CSRNP3: variants seen among roughly 807,000 people sequenced by gnomAD.
CSRNP3 encodes cysteine and serine rich nuclear protein 3.
In CSRNP3, 12 loss-of-function variants were observed where a neutral mutation model predicts 48.0. The observed-to-expected ratio is 0.25, with a 90% CI of 0.16 to 0.41. CSRNP3 has a LOEUF of 0.41. CSRNP3 is among the 10% of genes least tolerant of loss of function. The pLI is 1.00. For missense variants in CSRNP3, 580 were observed against 724.4 expected (o/e 0.80, Z 2.29); for synonymous variants, 263 against 269.7 (o/e 0.98, Z 0.24).
In CSRNP3 at chr2:165,682,887, T is replaced by C. The variant is rs889311865; in HGVS notation, c.*3134T>C. Reference sequence around the variant, plus strand: ...ACCTGCAGCTGTTGTATTGCCTCCATAGTATATCTAGCCAAACTGTAGTCT... The same window carrying C: ...ACCTGCAGCTGTTGTATTGCCTCCACAGTATATCTAGCCAAACTGTAGTCT... On this transcript the variant is annotated 3_prime_UTR_variant, in exon 7 of 7. Coordinates refer to ENST00000651982, the MANE Select transcript of CSRNP3 (RefSeq NM_001172173.2). 19 of 152,164 alleles carry C rather than the reference T, an allele frequency of 1.2e-4. No homozygotes were observed. The highest frequency in any genetic ancestry group is 4.3e-4 in the African/African-American group (18 of 41,446). 9.4% of individuals were successfully genotyped at this position (152,164 alleles called of 1,614,324 possible). A position where few individuals can be genotyped will look rare whatever the true frequency, so the allele number is the denominator to read the frequency against.
chr2:165,650,079 T>G (rs1163532700), intron 4 of CSRNP3, among the ~76,000 whole-genome samples: 1 of 152,216 alleles, frequency 6.6e-6, no homozygotes, highest in Non-Finnish European at 1.5e-5. Flanking sequence ...ATAGTCCCAA[T>G]TAGTCTTTAT....
chr2:165,657,951 G>A lies in CSRNP3; in HGVS notation c.339G>A (p.Gln113=). ...QYTLGEFARE[Q]ERLHREMLRE... ...CTCTTGGCGAGTTTGCAAGGGAGCAGGAGAGGCTCCACCGGGAGATGTTGA... is the reference window on the plus strand; with the variant it reads ...CTCTTGGCGAGTTTGCAAGGGAGCAAGAGAGGCTCCACCGGGAGATGTTGA... The change falls in exon 5 of 7, where the codon CAG becomes CAA. Residue 113 remains glutamine, a synonymous_variant. Coordinates refer to ENST00000651982, the MANE Select transcript of CSRNP3 (RefSeq NM_001172173.2). 1.9e-6 allele frequency: 3 copies of A among 1,613,986 alleles called. No homozygotes were observed. Among genetic ancestry groups the A allele is most frequent in the South Asian group, 1.1e-5 (1 of 91,070 alleles).
chr2:165,519,684 G>A (rs1475883207), intron 3 of CSRNP3, among the ~76,000 whole-genome samples: 3 of 152,056 alleles, frequency 2.0e-5, no homozygotes, highest in Non-Finnish European at 4.4e-5. Flanking sequence ...ATGTGCATGG[G>A]GGTATAGGGT....
At position 165,679,597 on chromosome 2, in the gene CSRNP3, C is replaced by T; in HGVS notation, c.1602C>T (p.Tyr534=). ...ACCCTCAAGTGGAATTTCACTCATA[C>T]TTGAAAGGCCCCTCCCAAGAAGGGT... ...SNHPQVEFHS[Y]LKGPSQEGFV... Residue 534 remains tyrosine, a synonymous_variant, in exon 7 of 7, where the codon TAC becomes TAT. Transcript: ENST00000651982. 4 of 1,614,082 alleles carry T rather than the reference C, an allele frequency of 2.5e-6. No homozygotes were observed. Among genetic ancestry groups the T allele is most frequent in the Middle Eastern group, 1.6e-4 (1 of 6,062 alleles).
rs1231593320 is a variant in CSRNP3, at chr2:165,689,324, G to A, written c.*9571G>A. The A allele has an allele frequency of 6.6e-6, 1 of 152,062 alleles. No individual in the cohort carries two copies. The highest frequency in any genetic ancestry group is 1.5e-5 in the Non-Finnish European group (1 of 67,994). 9.4% of individuals were successfully genotyped at this position (152,062 alleles called of 1,614,324 possible). On this transcript the variant is annotated 3_prime_UTR_variant, in exon 7 of 7. Coordinates refer to ENST00000651982, the MANE Select transcript of CSRNP3 (RefSeq NM_001172173.2). ...TAAGTTTCTTTTATTAGTGGCACTTGTATTATGCTGTACTTTTTATTACAT... is the reference window on the plus strand; with the variant it reads ...TAAGTTTCTTTTATTAGTGGCACTTATATTATGCTGTACTTTTTATTACAT...
intron 1 of CSRNP3, among the ~76,000 whole-genome samples, chr2:165,477,926 G>A (rs116614182): frequency 0.014 from 2,077 of 150,196 alleles, 28 homozygotes; most frequent in Non-Finnish European, 0.024. Flanking sequence ...GCAGTGAGCC[G>A]AGGTCACCTC....
At chr2:165,501,718 G>A (rs1019542822) in intron 2 of CSRNP3, among the ~76,000 whole-genome samples, 30 of 152,068 alleles carry the variant, frequency 2.0e-4, no homozygotes, top group African/African-American at 7.2e-4. Context: ...TTGATGAAAT[G>A]TTTTCTTCAT....
chr2:165,657,693 G>T (rs1477201031), intron 4 of CSRNP3, 68 bp from the exon 5 acceptor site: 5 of 1,568,104 alleles, frequency 3.2e-6, no homozygotes, highest in Non-Finnish European at 4.4e-6. Flanking sequence ...TCACCAAATG[G>T]CATTTTCTTG....
intron 5 of CSRNP3, among the ~76,000 whole-genome samples, chr2:165,659,357 A>G (rs1687061235): frequency 1.3e-5 from 2 of 152,198 alleles, no homozygotes; most frequent in Admixed American, 1.3e-4. Flanking sequence ...GAGGAAGAGA[A>G]GGAGATTGTC....
At chr2:165,649,176 T>C (rs563072875) in intron 4 of CSRNP3, among the ~76,000 whole-genome samples, 4 of 152,340 alleles carry the variant, frequency 2.6e-5, no homozygotes, top group African/African-American at 9.6e-5. Context: ...TTTAAATGCA[T>C]ACACAGTATT....
chr2:165,633,317 G>C (rs1008469762), intron 4 of CSRNP3, among the ~76,000 whole-genome samples: 1 of 152,220 alleles, frequency 6.6e-6, no homozygotes, highest in African/African-American at 2.4e-5. Flanking sequence ...TAGAGTAAGC[G>C]GATTTATAGT....
At chr2:165,516,256 C>T (rs1173912745) in intron 2 of CSRNP3, among the ~76,000 whole-genome samples, 1 of 151,962 alleles carries the variant, frequency 6.6e-6, no homozygotes, top group Non-Finnish European at 1.5e-5. Flanking sequence ...AGGAAAAGCT[C>T]CATTCTTAGA....
intron 3 of CSRNP3, among the ~76,000 whole-genome samples, chr2:165,545,914 G>A (rs1260382321): frequency 6.6e-6 from 1 of 151,912 alleles, no homozygotes; most frequent in Non-Finnish European, 1.5e-5. Flanking sequence ...TTTACCTCAG[G>A]TAATTTGCTA....
chr2:165,563,645 A>G lies in CSRNP3; in HGVS notation c.-23-31398A>G, dbSNP rs892932959. ...CTTAGGTTCAGAAAACTTCAGCACC[A>G]GGTCTCTCTGGGATAGCAAGAAAGC... On this transcript the variant is annotated intron_variant, in intron 3 of 6. Transcript: ENST00000651982. Among the ~76,000 whole-genome samples the G allele has an allele frequency of 2.0e-5, 3 of 152,186 alleles. No individual in the cohort carries two copies. In the South Asian group the frequency reaches 6.2e-4, roughly 31 times the overall value.
chr2:165,530,000 GTT>G (rs1287606867), intron 3 of CSRNP3, among the ~76,000 whole-genome samples: 1 of 152,172 alleles, frequency 6.6e-6, no homozygotes, highest in Non-Finnish European at 1.5e-5. Context: ...GATTGCAAAT[GTT>G]TTTTAAAATC....
chr2:165,520,800 T>TATTATATAC (rs1684647440), intron 3 of CSRNP3, among the ~76,000 whole-genome samples: 3 of 42,438 alleles, frequency 7.1e-5, no homozygotes, highest in African/African-American at 2.9e-4. Context: ...TATATATATA[T>TATTATATAC]ATATATATAT....
intron 3 of CSRNP3, among the ~76,000 whole-genome samples, chr2:165,528,978 G>A (rs138783589): frequency 1.6e-3 from 237 of 152,284 alleles, no homozygotes; most frequent in African/African-American, 5.5e-3. Flanking sequence ...GCCAGAGCAG[G>A]GGGGAGCCCT....
chr2:165,640,275 T>C (rs1433126489), intron 4 of CSRNP3, among the ~76,000 whole-genome samples: 1 of 152,250 alleles, frequency 6.6e-6, no homozygotes, highest in African/African-American at 2.4e-5. Context: ...AGTATTATTA[T>C]TAAAACTATT....
At chr2:165,592,500 T>C (rs1003887268) in intron 3 of CSRNP3, among the ~76,000 whole-genome samples, 2 of 152,124 alleles carry the variant, frequency 1.3e-5, no homozygotes, top group African/African-American at 4.8e-5. Context: ...GAATGATTGT[T>C]TGGCTGTATT....
Sources: allele counts gnomAD v4.1 joint callset (sites outside exome capture counted in the v4.1 genomes callset), GRCh38; gene constraint gnomAD v4.1.1; transcripts MANE v1.5; gene names NCBI Gene and HGNC (gene_info 2026-07-23, HGNC 2026-07-21).